Variants in WWOX observed in about 807,000 individuals in gnomAD.
WWOX encodes the protein WW domain-containing oxidoreductase.
Under a neutral mutation model 46.2 loss-of-function variants are expected in WWOX, and 69 were observed. That is an observed-to-expected ratio of 1.49 (90% CI 1.23 to 1.82). WWOX has a LOEUF of 1.82. Among genes scored for constraint, WWOX ranks in the 40% most tolerant of loss-of-function variants. The probability of loss-of-function intolerance (pLI) is 0.00; values close to 1 mark genes in which losing one functional copy is unlikely to be tolerated. For missense variants in WWOX, 919 were observed against 542.6 expected, an observed-to-expected ratio of 1.69 and a Z score of -6.89; for synonymous variants, 359 against 202.6, an observed-to-expected ratio of 1.77 and a Z score of -6.56.
intron 8 of WWOX, among the ~76,000 whole-genome samples, chr16:78,684,790 C>T (rs1388973215): frequency 5.9e-5 from 9 of 152,168 alleles, no homozygotes; most frequent in Non-Finnish European, 2.9e-5. Context: ...AGTTGAGCTT[C>T]TCTTTGTTCC....
At chr16:78,592,365 T>C (rs567333177) in intron 8 of WWOX, among the ~76,000 whole-genome samples, 3 of 152,358 alleles carry the variant, frequency 2.0e-5, no homozygotes, top group African/African-American at 4.8e-5. Context: ...CTTAATGATA[T>C]TGAATTGAAC....
chr16:78,995,234 C>G (rs181768943), intron 8 of WWOX, among the ~76,000 whole-genome samples: 1 of 151,998 alleles, frequency 6.6e-6, no homozygotes, highest in Admixed American at 6.6e-5. Flanking sequence ...AAAGCCCATG[C>G]CCAATCCTTG....
chr16:78,523,030 C>G (rs1380656763), intron 8 of WWOX, among the ~76,000 whole-genome samples: 1 of 152,268 alleles, frequency 6.6e-6, no homozygotes, highest in South Asian at 2.1e-4. Flanking sequence ...TGAGATCGTG[C>G]CACTGCCCTC....
intron 8 of WWOX, among the ~76,000 whole-genome samples, chr16:78,995,124 C>G (rs1364842153): frequency 2.0e-5 from 3 of 152,000 alleles, no homozygotes; most frequent in Non-Finnish European, 4.4e-5. Context: ...TGTCTTGGCT[C>G]TGATCACTCC....
At chr16:79,091,010 C>A (rs1163959320) in intron 8 of WWOX, among the ~76,000 whole-genome samples, 1 of 152,018 alleles carries the variant, frequency 6.6e-6, no homozygotes, top group Admixed American at 6.5e-5. Context: ...CTGGTCTCAA[C>A]CTCCTGACCT....
intron 8 of WWOX, among the ~76,000 whole-genome samples, chr16:78,513,488 T>G (rs1107102): frequency 4.6e-5 from 7 of 152,222 alleles, no homozygotes; most frequent in Admixed American, 2.6e-4. Flanking sequence ...TAGCTTTTCA[T>G]GTATCTTACT....
intron 8 of WWOX, among the ~76,000 whole-genome samples, chr16:78,805,522 A>G (rs1315151123): frequency 6.6e-6 from 1 of 151,800 alleles, no homozygotes; most frequent in African/African-American, 2.4e-5. Context: ...TGACATCGTG[A>G]TCCGCCCGCC....
chr16:78,323,099 C>T (rs1165590020), intron 5 of WWOX, among the ~76,000 whole-genome samples: 1 of 151,770 alleles, frequency 6.6e-6, no homozygotes, highest in Non-Finnish European at 1.5e-5. Context: ...ATTTGGGGTT[C>T]TTGTATTTTT....
rs537785498 is a variant in WWOX, at chr16:78,797,021, T to C, written c.1056+364269T>C. On this transcript the variant is annotated intron_variant, in intron 8 of 8. Transcript: ENST00000566780. ...TTGTATTTTTAGTAGTGCCGGGGTT[T>C]CACCATGTTGGCCAGTCTGGTCTGG... Among the ~76,000 whole-genome samples the C allele has an allele frequency of 5.1e-4, 78 of 152,146 alleles. 1 individual carries two copies. The highest frequency in any genetic ancestry group is 1.2e-3 in the East Asian group (6 of 5,164).
At chr16:78,585,150 A>G (rs1219842991) in intron 8 of WWOX, among the ~76,000 whole-genome samples, 1 of 152,252 alleles carries the variant, frequency 6.6e-6, no homozygotes. Context: ...CGTCAGATGT[A>G]CAAGGCTGTG....
chr16:78,720,589 C>T (rs1187470888), intron 8 of WWOX, among the ~76,000 whole-genome samples: 1 of 151,732 alleles, frequency 6.6e-6, no homozygotes, highest in African/African-American at 2.4e-5. Flanking sequence ...TTCAGGATTT[C>T]AGACCACCAT....
chr16:78,845,166 C>A (rs1296601119), intron 8 of WWOX, among the ~76,000 whole-genome samples: 2 of 139,566 alleles, frequency 1.4e-5, no homozygotes, highest in Non-Finnish European at 3.1e-5. Flanking sequence ...TACCAAAGTA[C>A]TTCTATGGAC....
intron 8 of WWOX, among the ~76,000 whole-genome samples, chr16:79,142,148 G>C (rs1326314852): frequency 6.6e-6 from 1 of 152,138 alleles, no homozygotes; most frequent in Admixed American, 6.5e-5. Context: ...GTGAGTCCTT[G>C]CTCTGTGTCA....
chr16:78,369,663 C>A (rs959543255), intron 5 of WWOX, among the ~76,000 whole-genome samples: 2 of 151,510 alleles, frequency 1.3e-5, no homozygotes, highest in East Asian at 1.9e-4. Context: ...ATTGTGGGAC[C>A]AATTTCTCCA....
chr16:78,539,465 G>A (rs1325265083), intron 8 of WWOX, among the ~76,000 whole-genome samples: 1 of 152,198 alleles, frequency 6.6e-6, no homozygotes, highest in Non-Finnish European at 1.5e-5. Flanking sequence ...TTCTCTTCCA[G>A]TAAGCAATTC....
intron 5 of WWOX, among the ~76,000 whole-genome samples, chr16:78,312,518 G>A (rs553513446): frequency 2.0e-5 from 3 of 152,062 alleles, no homozygotes; most frequent in East Asian, 3.9e-4. Flanking sequence ...GGGATTACAG[G>A]TGCCTGCCAC....
At chr16:78,368,595 G>A (rs2151919100) in intron 5 of WWOX, among the ~76,000 whole-genome samples, 1 of 152,294 alleles carries the variant, frequency 6.6e-6, no homozygotes. Flanking sequence ...TATTGAAGAG[G>A]CAGGGAGAGC....
At chr16:78,850,132 C>G (rs75948632) in intron 8 of WWOX, among the ~76,000 whole-genome samples, 2 of 151,986 alleles carry the variant, frequency 1.3e-5, no homozygotes, top group African/African-American at 4.8e-5. Flanking sequence ...GAAGTTTTCA[C>G]TACCAGTTTC....
chr16:79,017,788 A>G (rs1203183978), intron 8 of WWOX, among the ~76,000 whole-genome samples: 1 of 152,036 alleles, frequency 6.6e-6, no homozygotes, highest in South Asian at 2.1e-4. Context: ...TTCCACCCCC[A>G]TTATTTGCAT....
Sources: gnomAD v4.1 joint callset for allele counts (sites outside exome capture counted in the v4.1 genomes callset) on GRCh38, gnomAD v4.1.1 for gene constraint, MANE v1.5 for transcripts, NCBI Gene and HGNC (gene_info 2026-07-23, HGNC 2026-07-21) for gene names.